Variants in GPHN observed in about 807,000 individuals in gnomAD.
GPHN encodes gephyrin.
Under a neutral mutation model 95.5 loss-of-function variants are expected in GPHN, and 17 were observed. The observed-to-expected ratio is 0.18, with a 90% CI of 0.12 to 0.27. GPHN has a LOEUF of 0.27. Among genes scored for constraint, GPHN ranks in the 10% least tolerant of loss-of-function variants. The pLI, the probability that GPHN is intolerant of heterozygous loss-of-function variation, is 1.00. For missense variants in GPHN, 660 were observed against 978.1 expected, an observed-to-expected ratio of 0.67 and a Z score of 4.34; for synonymous variants, 320 against 322.5, an observed-to-expected ratio of 0.99 and a Z score of 0.08.
the GPHN span, among the ~76,000 whole-genome samples, chr14:67,325,975 T>TGCTC: frequency 4.0e-5 from 5 of 125,024 alleles, no homozygotes; most frequent in Admixed American, 1.7e-4. Flanking sequence ...CACCCGGCTC[T>TGCTC]TTTCTTTTTT....
chr14:66,918,957 A>C (rs577600469), intron 6 of GPHN, among the ~76,000 whole-genome samples: 1 of 152,156 alleles, frequency 6.6e-6, no homozygotes, highest in Non-Finnish European at 1.5e-5. Context: ...CTATTACTTC[A>C]AATGTGAAAG....
At chr14:67,421,340 C>A in the GPHN span, among the ~76,000 whole-genome samples, 1 of 152,298 alleles carries the variant, frequency 6.6e-6, no homozygotes, top group African/African-American at 2.4e-5. Context: ...TAGCCCAGAA[C>A]AGCCTCTCCT....
chr14:66,694,273 A>G (rs1038997387), intron 2 of GPHN, among the ~76,000 whole-genome samples: 50 of 152,128 alleles, frequency 3.3e-4, no homozygotes, highest in African/African-American at 1.2e-3. Context: ...ACATCTATCA[A>G]TCAGGAAGTA....
the GPHN span, chr14:67,335,163 C>CCCCTT: frequency 6.6e-6 from 1 of 152,174 alleles, no homozygotes; most frequent in Admixed American, 6.5e-5. Context: ...CAATCATTCT[C>CCCCTT]CCCTTCCTCA....
the GPHN span, among the ~76,000 whole-genome samples, chr14:67,643,660 A>C: frequency 6.6e-6 from 1 of 152,116 alleles, no homozygotes; most frequent in South Asian, 2.1e-4. Context: ...CAGGTCTCTT[A>C]AAAATAAATA....
At chr14:66,932,236 T>C (rs1251311404) in intron 8 of GPHN, among the ~76,000 whole-genome samples, 2 of 152,026 alleles carry the variant, frequency 1.3e-5, no homozygotes, top group African/African-American at 2.4e-5. Context: ...AATCTCCCTC[T>C]TCATGCTGAA....
chr14:67,127,051 T>C (rs890147545), intron 17 of GPHN, among the ~76,000 whole-genome samples: 11 of 135,934 alleles, frequency 8.1e-5, no homozygotes, highest in Admixed American at 3.4e-4. Context: ...AACAATGAGA[T>C]CACATGGACA....
chr14:66,943,967 G>A (rs2067583653), intron 8 of GPHN, among the ~76,000 whole-genome samples: 2 of 152,080 alleles, frequency 1.3e-5, no homozygotes. Flanking sequence ...AGAAAATAGA[G>A]GTCTTTCCCC....
the GPHN span, chr14:67,613,805 C>G: frequency 5.4e-6 from 1 of 185,274 alleles, no homozygotes; most frequent in African/African-American, 2.4e-5. Flanking sequence ...CTTCAGCATC[C>G]ACAACTACAA....
chr14:66,596,274 A>T (rs372175699), intron 1 of GPHN, among the ~76,000 whole-genome samples: 6 of 151,956 alleles, frequency 3.9e-5, no homozygotes, highest in East Asian at 3.9e-4. Flanking sequence ...AAAGCACCAG[A>T]AGTTCTCCCT....
At chr14:66,767,296 A>G (rs1297573309) in intron 2 of GPHN, among the ~76,000 whole-genome samples, 1 of 151,824 alleles carries the variant, frequency 6.6e-6, no homozygotes, top group African/African-American at 2.4e-5. Context: ...CCTTCCCCTG[A>G]ATTTCTTTAA....
the GPHN span, among the ~76,000 whole-genome samples, chr14:67,216,235 G>C: frequency 6.6e-6 from 1 of 152,004 alleles, no homozygotes; most frequent in Non-Finnish European, 1.5e-5. Flanking sequence ...TGTGGATTTT[G>C]TTTTCTTGAG....
chr14:67,579,709 C>T, the GPHN span: 3 of 1,610,650 alleles, frequency 1.9e-6, no homozygotes, highest in South Asian at 1.1e-5. Flanking sequence ...TGGAACTCTT[C>T]TCCCGCCTCA....
chr14:67,019,916 G>T (rs1195395554), intron 9 of GPHN, among the ~76,000 whole-genome samples: 26 of 152,258 alleles, frequency 1.7e-4, no homozygotes, highest in Admixed American at 1.7e-3. Flanking sequence ...CTACGCTTTC[G>T]TGTGTCCTGC....
At chr14:67,408,359 A>AAAATAAAATAAAATAAAAT in the GPHN span, among the ~76,000 whole-genome samples, 53 of 134,054 alleles carry the variant, frequency 4.0e-4, no homozygotes, top group African/African-American at 1.5e-3. Flanking sequence ...TAAAATAAAA[A>AAAATAAAATAAAATAAAAT]AAGAAAAAAC....
chr14:67,572,410 C>T, the GPHN span: 6 of 173,934 alleles, frequency 3.4e-5, no homozygotes, highest in East Asian at 1.4e-4. Flanking sequence ...GGGCAGGGGG[C>T]GTGGGCTGGG....
chr14:67,720,095 C>T, the GPHN span, among the ~76,000 whole-genome samples: 1 of 152,214 alleles, frequency 6.6e-6, no homozygotes, highest in African/African-American at 2.4e-5. Flanking sequence ...GTGGATCATA[C>T]TACAATCTTT....
At chr14:67,391,262 G>A in the GPHN span, among the ~76,000 whole-genome samples, 1 of 141,020 alleles carries the variant, frequency 7.1e-6, no homozygotes, top group Non-Finnish European at 1.5e-5. Flanking sequence ...AAATGTGTAA[G>A]CAGCTGATAT....
chr14:66,528,158 T>C (rs1566760860), intron 1 of GPHN, among the ~76,000 whole-genome samples: 1 of 152,200 alleles, frequency 6.6e-6, no homozygotes, highest in Non-Finnish European at 1.5e-5. Context: ...CAGTATTGGG[T>C]GCATATATAT....
Sources: gnomAD v4.1 joint callset for allele counts (sites outside exome capture counted in the v4.1 genomes callset) on GRCh38, gnomAD v4.1.1 for gene constraint, MANE v1.5 for transcripts, NCBI Gene and HGNC (gene_info 2026-07-23, HGNC 2026-07-21) for gene names.